RIMS1: variants seen among roughly 807,000 people sequenced by gnomAD.
RIMS1 encodes the protein regulating synaptic membrane exocytosis protein 1.
A neutral mutation model predicts 214.1 loss-of-function variants in RIMS1; 83 were observed. The observed-to-expected ratio is 0.39, with a 90% CI of 0.32 to 0.47. The LOEUF (loss-of-function observed/expected upper bound fraction) is 0.47. RIMS1 is among the 20% of genes least tolerant of loss of function. The probability of loss-of-function intolerance (pLI) is 0.99; values close to 1 mark genes in which losing one functional copy is unlikely to be tolerated. For synonymous variants in RIMS1, 793 were observed against 786.8 expected (o/e 1.01, Z -0.13); for missense variants, 2,050 against 2,161.8 (o/e 0.95, Z 1.03).
intron 23 of RIMS1, among the ~76,000 whole-genome samples, chr6:72,283,724 T>G (rs916761673): frequency 2.0e-5 from 3 of 152,120 alleles, no homozygotes; most frequent in Non-Finnish European, 4.4e-5. Context: ...ATTGCATTTG[T>G]TTGCTCATCA....
At chr6:71,990,932 A>G (rs577028612) in intron 2 of RIMS1, among the ~76,000 whole-genome samples, 1 of 152,282 alleles carries the variant, frequency 6.6e-6, no homozygotes, top group African/African-American at 2.4e-5. Flanking sequence ...GGCTTCATAA[A>G]ATATATTTTA....
chr6:72,364,106 C>T (rs1000184271), intron 29 of RIMS1, among the ~76,000 whole-genome samples: 1 of 152,230 alleles, frequency 6.6e-6, no homozygotes, highest in African/African-American at 2.4e-5. Flanking sequence ...TGGCAATAGG[C>T]CAAGCCCTCT....
intron 1 of RIMS1, among the ~76,000 whole-genome samples, chr6:71,894,877 T>C (rs1258212868): frequency 6.6e-6 from 1 of 152,206 alleles, no homozygotes; most frequent in Admixed American, 6.5e-5. Context: ...TTTTAAAGCA[T>C]AATGAATGAA....
chr6:72,244,083 ATATT>A (rs1442154781), intron 10 of RIMS1, among the ~76,000 whole-genome samples: 2 of 151,670 alleles, frequency 1.3e-5, no homozygotes, highest in Admixed American at 6.6e-5. Flanking sequence ...GAAAAAGAAA[ATATT>A]TATTCATAAT....
At chr6:72,235,887 G>C (rs1318518453) in intron 8 of RIMS1, among the ~76,000 whole-genome samples, 159 bp downstream of exon 8, 1 of 84,136 alleles carries the variant, frequency 1.2e-5, no homozygotes, top group Non-Finnish European at 2.2e-5. Flanking sequence ...ATAAAATTTA[G>C]GGAAACTAAT....
At chr6:72,191,671 G>A (rs1205930148) in intron 6 of RIMS1, among the ~76,000 whole-genome samples, 3 of 152,230 alleles carry the variant, frequency 2.0e-5, no homozygotes, top group African/African-American at 4.8e-5. Context: ...CAAGAATAGA[G>A]AAAAAGGCAT....
chr6:71,969,893 GATTA>G (rs1026654524), intron 2 of RIMS1, among the ~76,000 whole-genome samples: 7 of 150,838 alleles, frequency 4.6e-5, no homozygotes, highest in South Asian at 4.2e-4. Context: ...AGATCCTAAT[GATTA>G]ATTAAATGAC....
At chr6:71,935,071 T>C (rs1361473168) in intron 1 of RIMS1, among the ~76,000 whole-genome samples, 2 of 152,180 alleles carry the variant, frequency 1.3e-5, no homozygotes, top group Non-Finnish European at 2.9e-5. Flanking sequence ...GGAAAAAATA[T>C]ACAGAGAGAA....
Position 71,887,268 on chromosome 6 carries a change from C to T in RIMS1, c.164+81C>T. The stretch of plus-strand genomic sequence containing the variant: ...CCACTCACTCCCCTAGTCCTCGCGG[C>T]TGAGTGTGGGGAAGGGGCTGCCAGG... On this transcript the variant is annotated intron_variant, in intron 1 of 33. Coordinates refer to ENST00000521978, the MANE Select transcript of RIMS1 (RefSeq NM_014989.7). 5.9e-6 allele frequency: 9 copies of T among 1,522,904 alleles called. No homozygotes were observed. In the South Asian group the frequency reaches 1.1e-4, roughly 18 times the overall value. 94.3% of individuals were successfully genotyped at this position (1,522,904 alleles called of 1,614,324 possible).
intron 2 of RIMS1, among the ~76,000 whole-genome samples, chr6:72,004,795 G>A (rs1178205435): frequency 4.0e-5 from 6 of 151,316 alleles, no homozygotes; most frequent in South Asian, 2.1e-4. Flanking sequence ...AGTAGGTTGT[G>A]AAAATTTTCT....
intron 2 of RIMS1, among the ~76,000 whole-genome samples, chr6:71,991,889 C>T (rs1284268720): frequency 6.6e-6 from 1 of 152,070 alleles, no homozygotes; most frequent in Admixed American, 6.5e-5. Context: ...CATGGTGAAA[C>T]CCTGTCTCTA....
At chr6:72,313,842 A>G (rs1563935894) in intron 28 of RIMS1, among the ~76,000 whole-genome samples, 170 bp downstream of exon 28, 1 of 152,122 alleles carries the variant, frequency 6.6e-6, no homozygotes, top group African/African-American at 2.4e-5. Flanking sequence ...CTACTATCAG[A>G]TACAGCTTAT....
At chr6:72,060,858 G>A (rs963304862) in intron 2 of RIMS1, among the ~76,000 whole-genome samples, 3 of 152,042 alleles carry the variant, frequency 2.0e-5, no homozygotes, top group African/African-American at 7.2e-5. Context: ...TCTAAATCTT[G>A]TTCACTTTGA....
intron 2 of RIMS1, among the ~76,000 whole-genome samples, chr6:72,012,935 T>C (rs1811341092): frequency 6.6e-6 from 1 of 152,212 alleles, no homozygotes; most frequent in Admixed American, 6.6e-5. Context: ...TATTTGGTCT[T>C]AGAGCATGTT....
intron 2 of RIMS1, among the ~76,000 whole-genome samples, chr6:72,095,089 C>T (rs1433857261): frequency 7.4e-5 from 11 of 149,284 alleles, no homozygotes; most frequent in African/African-American, 2.7e-4. Context: ...GTAGCAGGGA[C>T]TACAGCCACC....
At chr6:72,177,980 G>T (rs2047939495) in intron 4 of RIMS1, among the ~76,000 whole-genome samples, 1 of 152,114 alleles carries the variant, frequency 6.6e-6, no homozygotes, top group Non-Finnish European at 1.5e-5. Context: ...TCCTTATTTT[G>T]ATATAGGTTT....
chr6:72,053,444 G>A (rs141366197), intron 2 of RIMS1, among the ~76,000 whole-genome samples: 6 of 152,104 alleles, frequency 3.9e-5, no homozygotes, highest in African/African-American at 1.4e-4. Context: ...CCCTGTTCCT[G>A]TAGTGGTTTG....
chr6:72,100,199 G>C (rs1225492546), intron 4 of RIMS1, among the ~76,000 whole-genome samples: 2 of 151,996 alleles, frequency 1.3e-5, no homozygotes, highest in Non-Finnish European at 2.9e-5. Flanking sequence ...TTGAGTTCAT[G>C]ATGACAGTGA....
chr6:72,156,482 A>G (rs2044459864), intron 4 of RIMS1, among the ~76,000 whole-genome samples: 1 of 140,416 alleles, frequency 7.1e-6, no homozygotes, highest in African/African-American at 2.5e-5. Context: ...GATGAAGGAA[A>G]TGGGGAGAAG....
Sources: gnomAD v4.1 joint callset for allele counts (sites outside exome capture counted in the v4.1 genomes callset) on GRCh38, gnomAD v4.1.1 for gene constraint, MANE v1.5 for transcripts, NCBI Gene and HGNC (gene_info 2026-07-23, HGNC 2026-07-21) for gene names.